C9orf153: variants seen among roughly 807,000 people sequenced by gnomAD.
C9orf153 encodes the protein chromosome 9 open reading frame 153, also known as uncharacterized protein C9orf153.
In C9orf153, 10 loss-of-function variants were observed where a neutral mutation model predicts 9.0. The ratio of observed to expected loss-of-function variants is 1.11; its 90% CI spans 0.69 to 1.89. C9orf153 has a LOEUF of 1.89. Among genes scored for constraint, C9orf153 ranks in the 40% most tolerant of loss-of-function variants. The pLI, the probability that C9orf153 is intolerant of heterozygous loss-of-function variation, is 0.00. For missense variants in C9orf153, 108 were observed against 111.0 expected (o/e 0.97, Z 0.12); for synonymous variants, 35 against 37.3 (o/e 0.94, Z 0.23).
chr9:86,228,591 T>C (rs1824393671), intron 2 of C9orf153, among the ~76,000 whole-genome samples: 1 of 152,180 alleles, frequency 6.6e-6, no homozygotes, highest in East Asian at 1.9e-4. Flanking sequence ...GAATAGTTAT[T>C]GGCAGAAAAA....
intron 1 of C9orf153, among the ~76,000 whole-genome samples, chr9:86,233,185 A>G (rs1358395932): frequency 6.6e-6 from 1 of 151,982 alleles, no homozygotes; most frequent in Non-Finnish European, 1.5e-5. Flanking sequence ...CAAATATGTA[A>G]AATGTTTTCC....
intron 3 of C9orf153, chr9:86,227,495 T>C: frequency 7.3e-7 from 1 of 1,375,480 alleles, no homozygotes; most frequent in Non-Finnish European, 9.4e-7. Flanking sequence ...AAATTTGCAA[T>C]GAGATTTCCA....
chr9:86,228,913 C>G (rs1184263276), intron 2 of C9orf153: 1 of 254,150 alleles, frequency 3.9e-6, no homozygotes, highest in Non-Finnish European at 8.1e-6. Flanking sequence ...GACCCTGGAA[C>G]CAGTATGAGC....
intron 1 of C9orf153, among the ~76,000 whole-genome samples, chr9:86,234,745 T>C (rs1824542433): frequency 6.6e-6 from 1 of 152,208 alleles, no homozygotes; most frequent in African/African-American, 2.4e-5. Flanking sequence ...TTTGGTGCTT[T>C]AGTGAAAATA....
At chr9:86,252,210 T>G (rs1027201404) in intron 1 of C9orf153, among the ~76,000 whole-genome samples, 1 of 152,048 alleles carries the variant, frequency 6.6e-6, no homozygotes, top group Admixed American at 6.5e-5. Context: ...AATTTTTGTA[T>G]TTTTGGTAGA....
At chr9:86,232,647 G>T (rs1043971499) in intron 1 of C9orf153, among the ~76,000 whole-genome samples, 5 of 151,850 alleles carry the variant, frequency 3.3e-5, no homozygotes, top group Non-Finnish European at 7.4e-5. Flanking sequence ...AAATCAGAAG[G>T]AAAAAAGTTC....
At chr9:86,243,762 C>T (rs903428431) in intron 1 of C9orf153, among the ~76,000 whole-genome samples, 2 of 152,192 alleles carry the variant, frequency 1.3e-5, no homozygotes, top group East Asian at 3.8e-4. Context: ...AACTGGTCCC[C>T]ATACTCACAG....
intron 1 of C9orf153, among the ~76,000 whole-genome samples, chr9:86,252,851 T>G (rs1225328011): frequency 6.6e-6 from 1 of 152,232 alleles, no homozygotes; most frequent in Non-Finnish European, 1.5e-5. Context: ...TACAGATTCA[T>G]GAAGATTGCT....
chr9:86,254,525 T>A (rs1052553605), intron 1 of C9orf153, among the ~76,000 whole-genome samples: 1 of 152,208 alleles, frequency 6.6e-6, no homozygotes, highest in Non-Finnish European at 1.5e-5. Flanking sequence ...TGATTTGAAC[T>A]ATAAACCAGA....
chr9:86,224,259 C>T (rs966105264), intron 3 of C9orf153, among the ~76,000 whole-genome samples: 2 of 151,994 alleles, frequency 1.3e-5, no homozygotes, highest in African/African-American at 4.8e-5. Flanking sequence ...TGGTGGCATG[C>T]ACCTGAGGTC....
Position 86,220,341 on chromosome 9 carries a change from A to G in C9orf153, c.*1347T>C, listed in dbSNP as rs578232669. 1 of 152,310 alleles carries G rather than the reference A, an allele frequency of 6.6e-6. No homozygotes were observed. Among genetic ancestry groups the G allele is most frequent in the South Asian group, 2.1e-4 (1 of 4,824 alleles). 9.4% of individuals were successfully genotyped at this position (152,310 alleles called of 1,614,324 possible). On this transcript the variant is annotated 3_prime_UTR_variant, in exon 4 of 4. Transcript: ENST00000339137. ...CAATTTGCTTGCCATTATTTCTTGCATTCCCTCTGGGTTCTTACTAAAATA... is the reference window on the plus strand; with the variant it reads ...CAATTTGCTTGCCATTATTTCTTGCGTTCCCTCTGGGTTCTTACTAAAATA...
At chr9:86,224,473 G>A (rs1367403866) in intron 3 of C9orf153, among the ~76,000 whole-genome samples, 1 of 152,124 alleles carries the variant, frequency 6.6e-6, no homozygotes, top group Non-Finnish European at 1.5e-5. Flanking sequence ...GCACAGTAAG[G>A]TGAGGATAGT....
rs1824370772 is a variant in C9orf153, at chr9:86,227,857, G to C, written c.240C>G (p.Ile80Met). Residue 80 changes from isoleucine to methionine, a missense_variant and splice_region_variant, in exon 3 of 4, where the codon ATC (isoleucine) becomes ATG (methionine). Physicochemically the swap from Ile to Met is conservative, Grantham distance 10 (BLOSUM62 1). Transcript: ENST00000339137. Reference sequence around the variant, plus strand: ...TCTCTTTTTTAACCACTGTGCACCTGATAACAGGTTGGAGATCTCCTCTCA... The same window carrying C: ...TCTCTTTTTTAACCACTGTGCACCTCATAACAGGTTGGAGATCTCCTCTCA... ...ADVRGDLQPV[I>M]RKTIHESKGS... is the part of the protein sequence containing the mutation. The C allele has an allele frequency of 6.2e-7, 1 of 1,610,280 alleles. No individual in the cohort carries two copies. The highest frequency in any genetic ancestry group is 1.3e-5 in the African/African-American group (1 of 74,668).
chr9:86,221,849 G>T, intron 3 of C9orf153, 116 bp from the exon 4 acceptor site: 1 of 558,146 alleles, frequency 1.8e-6, no homozygotes, highest in Non-Finnish European at 3.1e-6. Flanking sequence ...CCTCTTTCTG[G>T]CAGAAAGCCA....
intron 1 of C9orf153, among the ~76,000 whole-genome samples, chr9:86,247,834 GTC>G (rs1265404852): frequency 6.6e-6 from 1 of 152,118 alleles, no homozygotes; most frequent in Non-Finnish European, 1.5e-5. Context: ...TGCCAACATA[GTC>G]TCTCTTTTTT....
intron 1 of C9orf153, among the ~76,000 whole-genome samples, chr9:86,249,903 C>A (rs1363274351): frequency 6.6e-6 from 1 of 152,040 alleles, no homozygotes; most frequent in Non-Finnish European, 1.5e-5. Flanking sequence ...AAAGGCAGAT[C>A]GATAGGAGAA....
chr9:86,243,612 C>T (rs749339494), intron 1 of C9orf153, among the ~76,000 whole-genome samples: 51 of 152,196 alleles, frequency 3.4e-4, no homozygotes, highest in Non-Finnish European at 1.9e-4. Flanking sequence ...TGTGATCCCC[C>T]AGGCTCTAGC....
intron 1 of C9orf153, among the ~76,000 whole-genome samples, chr9:86,246,593 A>G (rs1254507706): frequency 2.0e-5 from 3 of 152,236 alleles, no homozygotes; most frequent in Non-Finnish European, 4.4e-5. Context: ...TTTGCATTTC[A>G]AAAACCTTAA....
chr9:86,250,314 C>G (rs963228427), intron 1 of C9orf153, among the ~76,000 whole-genome samples: 3 of 152,140 alleles, frequency 2.0e-5, no homozygotes, highest in Admixed American at 1.3e-4. Flanking sequence ...CAAATCTGGA[C>G]TCCAGGGAGG....
Sources: gnomAD v4.1 joint callset for allele counts (sites outside exome capture counted in the v4.1 genomes callset) on GRCh38, gnomAD v4.1.1 for gene constraint, MANE v1.5 for transcripts, NCBI Gene and HGNC (gene_info 2026-07-23, HGNC 2026-07-21) for gene names.